B3GALT1: variants seen among roughly 807,000 people sequenced by gnomAD.
The protein encoded by B3GALT1 is beta-1,3-galactosyltransferase 1.
A neutral mutation model predicts 23.2 loss-of-function variants in B3GALT1; 10 were observed. That is an observed-to-expected ratio of 0.43 (90% CI 0.27 to 0.73). The LOEUF is 0.73. Among genes scored for constraint, B3GALT1 ranks in the 30% least tolerant of loss-of-function variants. B3GALT1 has a pLI of 0.21. For missense variants in B3GALT1, 299 were observed against 405.4 expected (o/e 0.74, Z 2.25); for synonymous variants, 156 against 141.5 (o/e 1.10, Z -0.73).
intron 1 of B3GALT1, among the ~76,000 whole-genome samples, chr2:167,396,293 T>G (rs1698093953): frequency 6.6e-6 from 1 of 152,104 alleles, no homozygotes; most frequent in Non-Finnish European, 1.5e-5. Context: ...ATCATGCTAT[T>G]TAGGCAGTAT....
intron 2 of B3GALT1, among the ~76,000 whole-genome samples, chr2:167,585,833 A>G (rs1558915637): frequency 1.3e-5 from 2 of 152,234 alleles, no homozygotes; most frequent in Non-Finnish European, 2.9e-5. Flanking sequence ...AGGAATAAAT[A>G]CTATGGAAGA....
intron 1 of B3GALT1, among the ~76,000 whole-genome samples, chr2:167,444,972 G>T (rs992006521): frequency 9.2e-5 from 14 of 152,128 alleles, no homozygotes; most frequent in Non-Finnish European, 2.1e-4. Context: ...GTCAATTTTA[G>T]ATCTTTCCTG....
At chr2:167,346,130 C>A (rs1158038726) in intron 1 of B3GALT1, among the ~76,000 whole-genome samples, 1 of 150,782 alleles carries the variant, frequency 6.6e-6, no homozygotes, top group Non-Finnish European at 1.5e-5. Context: ...CACTTTTTTC[C>A]TAGCAGTTTC....
intron 3 of B3GALT1, among the ~76,000 whole-genome samples, chr2:167,772,932 G>A (rs1180396890): frequency 6.6e-6 from 1 of 152,094 alleles, no homozygotes; most frequent in East Asian, 1.9e-4. Context: ...TACCCCTTAG[G>A]CCAAAGGGAT....
At position 167,345,704 on chromosome 2, in the gene B3GALT1, T is replaced by G. The variant is rs777635237; in HGVS notation, c.-511+52370T>G. Among the ~76,000 whole-genome samples the G allele has an allele frequency of 1.1e-4, 16 of 152,176 alleles. 1 individual carries two copies. Among genetic ancestry groups the G allele is most frequent in the Non-Finnish European group, 2.4e-4 (16 of 68,034 alleles). On this transcript the variant is annotated intron_variant, in intron 1 of 4. Transcript: ENST00000392690. ...TAGGTGAAAATAAGACACAGTACTC[T>G]CATGAAGCTCTTAGTCAACTAGTAG...
At chr2:167,686,579 G>C (rs1285173773) in intron 3 of B3GALT1, among the ~76,000 whole-genome samples, 1 of 152,004 alleles carries the variant, frequency 6.6e-6, no homozygotes, top group East Asian at 1.9e-4. Context: ...TTTTGTTTTT[G>C]TTTTCAATTG....
intron 3 of B3GALT1, among the ~76,000 whole-genome samples, chr2:167,790,827 G>A (rs1210275875): frequency 6.6e-6 from 1 of 151,868 alleles, no homozygotes; most frequent in South Asian, 2.1e-4. Flanking sequence ...TATCAATTTT[G>A]CACCTTTTAA....
rs200464602 is a variant in B3GALT1, at chr2:167,356,132, TC to T, written c.-511+62799del. Among the ~76,000 whole-genome samples, 391 of 152,308 alleles carry T rather than the reference TC, an allele frequency of 2.6e-3. 3 individuals carry two copies. The highest frequency in any genetic ancestry group is 0.013 in the South Asian group (63 of 4,820). On this transcript the variant is annotated intron_variant, in intron 1 of 4. Coordinates refer to ENST00000392690, the MANE Select transcript of B3GALT1 (RefSeq NM_020981.4). ...GCAAGATAGTTACTACCCTAACTTC[TC>T]TCCCCTGCTCACTGCAGGAACTGCT...
chr2:167,698,906 A>C (rs1275182684), intron 3 of B3GALT1, among the ~76,000 whole-genome samples: 1 of 152,188 alleles, frequency 6.6e-6, no homozygotes, highest in East Asian at 1.9e-4. Flanking sequence ...CTTATCATTG[A>C]ATACATAATA....
intron 1 of B3GALT1, among the ~76,000 whole-genome samples, chr2:167,332,270 C>A (rs1213719055): frequency 6.6e-6 from 1 of 152,176 alleles, no homozygotes; most frequent in East Asian, 1.9e-4. Context: ...CTGGCCGATT[C>A]TGAGGCTTTT....
intron 1 of B3GALT1, among the ~76,000 whole-genome samples, chr2:167,352,658 C>T (rs1327555772): frequency 6.6e-6 from 1 of 151,426 alleles, no homozygotes; most frequent in African/African-American, 2.4e-5. Context: ...GAGGCGGAGA[C>T]TGCAGTGAGC....
At chr2:167,441,526 C>T (rs13427410) in intron 1 of B3GALT1, among the ~76,000 whole-genome samples, 1 of 152,138 alleles carries the variant, frequency 6.6e-6, no homozygotes, top group Admixed American at 6.6e-5. Context: ...TATATGGTTT[C>T]TCCACCAATG....
intron 4 of B3GALT1, among the ~76,000 whole-genome samples, chr2:167,865,997 A>G (rs1462771555): frequency 1.3e-5 from 2 of 151,098 alleles, no homozygotes; most frequent in Non-Finnish European, 2.9e-5. Context: ...CCATCATCCT[A>G]TCCTCTTCTT....
chr2:167,366,628 A>G (rs1037771042), intron 1 of B3GALT1, among the ~76,000 whole-genome samples: 2 of 152,214 alleles, frequency 1.3e-5, no homozygotes, highest in African/African-American at 4.8e-5. Context: ...GCCTAGAACA[A>G]CACTAGTCTC....
intron 2 of B3GALT1, among the ~76,000 whole-genome samples, chr2:167,531,434 T>G (rs1432165575): frequency 6.6e-6 from 1 of 152,118 alleles, no homozygotes; most frequent in Non-Finnish European, 1.5e-5. Context: ...CCACCAGGTG[T>G]GAAGATTGAA....
intron 3 of B3GALT1, among the ~76,000 whole-genome samples, chr2:167,812,344 G>T (rs768167514): frequency 6.6e-6 from 1 of 152,176 alleles, no homozygotes; most frequent in Non-Finnish European, 1.5e-5. Context: ...TTAAGAACTA[G>T]TTTCTTCCAT....
chr2:167,646,897 C>G lies in B3GALT1; in HGVS notation c.-409-12C>G, dbSNP rs1188830869. Among the ~76,000 whole-genome samples, 1 of 151,752 alleles carries G rather than the reference C, an allele frequency of 6.6e-6. No homozygotes were observed. The highest frequency in any genetic ancestry group is 2.4e-5 in the African/African-American group (1 of 41,334). ...TTAATCTAAATGTATTTTTTTTCTT[C>G]TCTTGAAAAAGTTCTCTTGCTGTGC... is the stretch of plus-strand genomic sequence containing the variant. On this transcript the variant is annotated splice_polypyrimidine_tract_variant and intron_variant, in intron 2 of 4. Coordinates refer to ENST00000392690, the MANE Select transcript of B3GALT1 (RefSeq NM_020981.4).
At chr2:167,608,187 A>T (rs567035993) in intron 2 of B3GALT1, among the ~76,000 whole-genome samples, 2 of 152,306 alleles carry the variant, frequency 1.3e-5, no homozygotes, top group South Asian at 4.1e-4. Flanking sequence ...CAAAAGAAAG[A>T]CGAATTAACA....
At chr2:167,381,407 T>C (rs1340405689) in intron 1 of B3GALT1, among the ~76,000 whole-genome samples, 1 of 152,222 alleles carries the variant, frequency 6.6e-6, no homozygotes, top group Non-Finnish European at 1.5e-5. Flanking sequence ...TTTACTCTGA[T>C]TTATTAAAAA....
Sources: gnomAD v4.1 joint callset for allele counts (sites outside exome capture counted in the v4.1 genomes callset) on GRCh38, gnomAD v4.1.1 for gene constraint, MANE v1.5 for transcripts, NCBI Gene and HGNC (gene_info 2026-07-23, HGNC 2026-07-21) for gene names.